Variants in SHANK2 observed in about 807,000 individuals in gnomAD.
SHANK2 encodes the protein SH3 and multiple ankyrin repeat domains 2, also known as SH3 and multiple ankyrin repeat domains protein 2.
SHANK2 carries 43 observed loss-of-function variants against 133.7 expected under a neutral mutation model. The ratio of observed to expected loss-of-function variants is 0.32; its 90% CI spans 0.25 to 0.41. SHANK2 has a LOEUF of 0.41. Ranked by LOEUF, SHANK2 falls within the 10% of genes least tolerant of loss-of-function variation. The pLI is 1.00. For synonymous variants in SHANK2, 1,017 were observed against 952.8 expected, an observed-to-expected ratio of 1.07 and a Z score of -1.24; for missense variants, 1,994 against 2,235.8, an observed-to-expected ratio of 0.89 and a Z score of 2.18.
rs192352643 is a variant in SHANK2, at chr11:70,918,912, C to T, written c.1108-22345G>A. ...AGGCACAGTGGCTCAGCCTGTAATC[C>T]CAGCACTTTGAGAGGCCAAGGCGGA... On this transcript the variant is annotated intron_variant, in intron 10 of 25. Transcript: ENST00000601538. Among the ~76,000 whole-genome samples, 6 of 152,178 alleles carry T rather than the reference C, an allele frequency of 3.9e-5. No individual in the cohort carries two copies. The East Asian group carries it at 1.2e-3, about 30-fold the overall frequency.
In SHANK2 at chr11:70,929,903, T is replaced by C. The variant is rs1950479952; in HGVS notation, c.1108-33336A>G. Among the ~76,000 whole-genome samples the C allele has an allele frequency of 2.6e-5, 4 of 152,154 alleles. No individual in the cohort carries two copies. The South Asian group carries it at 8.3e-4, about 32-fold the overall frequency. On this transcript the variant is annotated intron_variant, in intron 10 of 25. Coordinates refer to ENST00000601538, the MANE Select transcript of SHANK2 (RefSeq NM_012309.5). Reference sequence around the variant, plus strand: ...TAAGTGCCACAGACCGTCACTGAAATGACAGTGGTGAGTAGGATGCTGATG... The same window carrying C: ...TAAGTGCCACAGACCGTCACTGAAACGACAGTGGTGAGTAGGATGCTGATG...
intron 2 of SHANK2, among the ~76,000 whole-genome samples, chr11:71,165,895 G>A (rs545854275): frequency 1.3e-5 from 2 of 152,176 alleles, no homozygotes; most frequent in Non-Finnish European, 2.9e-5. Flanking sequence ...GACCATGTCC[G>A]GGGAGCACCC....
chr11:71,242,420 T>C (rs1435702008), intron 1 of SHANK2, among the ~76,000 whole-genome samples: 1 of 152,202 alleles, frequency 6.6e-6, no homozygotes, highest in African/African-American at 2.4e-5. Flanking sequence ...TTATAAAATG[T>C]GCATTGGGAA....
In SHANK2 at chr11:70,638,239, C is replaced by T. The variant is rs146030267; in HGVS notation, c.2061+21589G>A. 7.6e-3 allele frequency among the ~76,000 whole-genome samples: 1,163 copies of T among 152,330 alleles called. 14 individuals are homozygous for T. The highest frequency in any genetic ancestry group is 0.026 in the African/African-American group (1,094 of 41,576). ...GGCATAGAATGAGACCACGGACTGC[C>T]GGCTTGAAGAATGTGCTGCCAGGAT... On this transcript the variant is annotated intron_variant, in intron 17 of 25. Coordinates refer to ENST00000601538, the MANE Select transcript of SHANK2 (RefSeq NM_012309.5).
intron 15 of SHANK2, among the ~76,000 whole-genome samples, chr11:70,663,095 C>T (rs191761454): frequency 9.8e-4 from 149 of 152,232 alleles, no homozygotes; most frequent in Non-Finnish European, 1.9e-3. Context: ...ACCAGGCCAG[C>T]GGCCCAGCCG....
chr11:71,093,987 C>A (rs1334150724), intron 7 of SHANK2, among the ~76,000 whole-genome samples: 1 of 152,098 alleles, frequency 6.6e-6, no homozygotes, highest in East Asian at 1.9e-4. Flanking sequence ...AGTAAGACAG[C>A]AGCAGGGGAA....
chr11:71,152,076 C>CA (rs67110332), intron 2 of SHANK2, among the ~76,000 whole-genome samples: 44,105 of 151,652 alleles, frequency 0.29, 7,243 homozygotes, highest in African/African-American at 0.44. Flanking sequence ...TCAGATTTGA[C>CA]AAAAAAAACG....
At chr11:70,788,432 C>G (rs1169674595) in intron 14 of SHANK2, among the ~76,000 whole-genome samples, 1 of 152,190 alleles carries the variant, frequency 6.6e-6, no homozygotes, top group Non-Finnish European at 1.5e-5. Flanking sequence ...TTCTGAGTAG[C>G]GTGATGTCGA....
chr11:70,892,837 T>C (rs1170843113), intron 11 of SHANK2, among the ~76,000 whole-genome samples: 1 of 152,110 alleles, frequency 6.6e-6, no homozygotes, highest in Non-Finnish European at 1.5e-5. Context: ...AACTGCTTCA[T>C]AATGACCAGG....
At chr11:70,814,932 C>A (rs912382118) in intron 12 of SHANK2, among the ~76,000 whole-genome samples, 1 of 128,924 alleles carries the variant, frequency 7.8e-6, no homozygotes, top group African/African-American at 2.6e-5. Context: ...GCCAACCAGC[C>A]CCTTGGCAGC....
intron 3 of SHANK2, among the ~76,000 whole-genome samples, chr11:71,136,926 G>A (rs560785944): frequency 2.0e-5 from 3 of 152,258 alleles, no homozygotes; most frequent in African/African-American, 2.4e-5. Flanking sequence ...GCAGTGGCGC[G>A]ATCTCCACTC....
intron 10 of SHANK2, among the ~76,000 whole-genome samples, chr11:70,942,407 C>A (rs1168397732): frequency 1.3e-5 from 2 of 152,132 alleles, no homozygotes; most frequent in African/African-American, 4.8e-5. Context: ...AACCCATTCC[C>A]ATGAGGACTA....
At position 70,911,312 on chromosome 11, in the gene SHANK2, C is replaced by T. The variant is rs556317731; in HGVS notation, c.1108-14745G>A. Among the ~76,000 whole-genome samples the T allele has an allele frequency of 3.3e-5, 5 of 151,610 alleles. No homozygotes were observed. The East Asian group carries it at 9.7e-4, about 29-fold the overall frequency. Reference sequence around the variant, plus strand: ...TGGAGGTTGCAGTGAGCCAAGATCACGCCACTGCACTCCAGCCTGGGCAAC... The same window carrying T: ...TGGAGGTTGCAGTGAGCCAAGATCATGCCACTGCACTCCAGCCTGGGCAAC... On this transcript the variant is annotated intron_variant, in intron 10 of 25. Coordinates refer to ENST00000601538, the MANE Select transcript of SHANK2 (RefSeq NM_012309.5).
chr11:70,781,584 T>A (rs370544104), intron 14 of SHANK2, among the ~76,000 whole-genome samples: 2,546 of 12,676 alleles, frequency 0.2, 7 homozygotes, highest in East Asian at 0.27. Flanking sequence ...ATATATATAT[T>A]TACTTATTTA....
chr11:70,561,488 A>G (rs1480632263), intron 17 of SHANK2, among the ~76,000 whole-genome samples: 1 of 151,434 alleles, frequency 6.6e-6, no homozygotes, highest in Non-Finnish European at 1.5e-5. Context: ...TCTATTTTCT[A>G]TGTCATTGAT....
At chr11:71,072,311 A>G (rs896059280) in intron 9 of SHANK2, among the ~76,000 whole-genome samples, 128,991 of 151,736 alleles carry the variant, frequency 0.85, 57,839 homozygotes, top group Non-Finnish European at 0.99. Context: ...ACAGCCCCCC[A>G]CGCCCCTGCT....
rs80168563 is a variant in SHANK2, at chr11:70,477,924, G to A, written c.4980-4485C>T. Reference sequence around the variant, plus strand: ...CTAAGCAACCGCTGGGTTCCCAGTCGGAACACACAGGAATCTGCTGCCCTG... The same window carrying A: ...CTAAGCAACCGCTGGGTTCCCAGTCAGAACACACAGGAATCTGCTGCCCTG... On this transcript the variant is annotated intron_variant, in intron 25 of 25. Transcript: ENST00000601538. Among the ~76,000 whole-genome samples, 10 of 152,228 alleles carry A rather than the reference G, an allele frequency of 6.6e-5. No individual in the cohort carries two copies. The East Asian group carries it at 9.7e-4, about 15-fold the overall frequency.
rs782096038 is a variant in SHANK2 at position 70,472,963 on chromosome 11, T to A, written c.5456A>T (p.Asn1819Ile). 6.2e-7 allele frequency: 1 copy of A among 1,614,208 alleles called. No individual in the cohort carries two copies. The highest frequency in any genetic ancestry group is 1.1e-5 in the South Asian group (1 of 91,090). ...ATCGATGAGGTCCTCCTTCTGCAGGTTTGGTAAGTGACTGCCATCGATCTC... is the reference window on the plus strand; with the variant it reads ...ATCGATGAGGTCCTCCTTCTGCAGGATTGGTAAGTGACTGCCATCGATCTC... ...DNEIDGSHLP[N>I]LQKEDLIDLG... Residue 1819 changes from asparagine to isoleucine, a missense_variant, in exon 26 of 26, where the codon AAC becomes ATC. By Grantham distance (149) the Asn-to-Ile change is moderately radical (BLOSUM62 -3). Around this residue, in one of 5 missense-constraint regions of SHANK2, gnomAD observed 42 missense variants for 79.9 expected, o/e 0.53. Transcript: ENST00000601538. This position sits in a 1 kb window ranked among gnomAD's most constrained non-coding sequence, Gnocchi z 4.4.
At chr11:71,059,209 C>A (rs1306777750) in intron 9 of SHANK2, among the ~76,000 whole-genome samples, 3 of 152,100 alleles carry the variant, frequency 2.0e-5, no homozygotes, top group African/African-American at 7.2e-5. Context: ...AAGAGCGAAA[C>A]TCTGTCTCGA....
Sources: allele counts gnomAD v4.1 joint callset (sites outside exome capture counted in the v4.1 genomes callset), GRCh38; gene constraint gnomAD v4.1.1; regional missense constraint gnomAD v4.1.1; non-coding constraint Gnocchi (gnomAD v3.1); transcripts MANE v1.5; gene names NCBI Gene and HGNC (gene_info 2026-07-23, HGNC 2026-07-21).